The following CELF2 variants were observed in gnomAD, a reference collection of about 807,000 sequenced individuals.
The protein encoded by CELF2 is CUG triplet repeat RNA-binding protein 2.
Under a neutral mutation model 62.6 loss-of-function variants are expected in CELF2, and 8 were observed. The observed-to-expected ratio is 0.13, with a 90% CI of 0.07 to 0.23. The LOEUF is 0.23. CELF2 is among the 10% of genes least tolerant of loss of function. The probability of loss-of-function intolerance (pLI) is 1.00; values close to 1 mark genes in which losing one functional copy is unlikely to be tolerated. For synonymous variants in CELF2, 258 were observed against 250.0 expected, an observed-to-expected ratio of 1.03 and a Z score of -0.30; for missense variants, 333 against 671.0, an observed-to-expected ratio of 0.50 and a Z score of 5.56.
intron 2 of CELF2, among the ~76,000 whole-genome samples, chr10:10,927,759 C>G (rs1327760333): frequency 1.3e-5 from 2 of 152,126 alleles, no homozygotes; most frequent in African/African-American, 4.8e-5. Context: ...TCTACTTTCT[C>G]TCTCTCTTTC....
chr10:11,077,775 C>G (rs530194764), intron 1 of CELF2, among the ~76,000 whole-genome samples: 1 of 152,226 alleles, frequency 6.6e-6, no homozygotes, highest in African/African-American at 2.4e-5. Context: ...CAAAACCATA[C>G]AGTGCACATA....
chr10:10,660,653 T>A, the CELF2 span, among the ~76,000 whole-genome samples: 16 of 152,298 alleles, frequency 1.1e-4, no homozygotes, highest in African/African-American at 3.8e-4. Context: ...TTCTTTATAT[T>A]CCCTAGCCTC....
intron 1 of CELF2, among the ~76,000 whole-genome samples, chr10:11,034,113 C>T (rs1313224467): frequency 6.6e-6 from 1 of 152,204 alleles, no homozygotes; most frequent in Non-Finnish European, 1.5e-5. Flanking sequence ...TGTTAGATTA[C>T]AAGCTTAAAT....
intron 2 of CELF2, among the ~76,000 whole-genome samples, chr10:11,182,879 G>C (rs2073857595): frequency 6.6e-6 from 1 of 152,152 alleles, no homozygotes; most frequent in Non-Finnish European, 1.5e-5. Flanking sequence ...GTGAACTTGA[G>C]TTTTTTAATG....
At chr10:10,603,521 G>A in the CELF2 span, among the ~76,000 whole-genome samples, 532 of 152,254 alleles carry the variant, frequency 3.5e-3, 2 homozygotes, top group South Asian at 5.6e-3. Flanking sequence ...CTTATTTTAG[G>A]AGAGTGGAGA....
intron 1 of CELF2, among the ~76,000 whole-genome samples, chr10:11,054,489 T>TTGTGTGTGTGTGTGTG (rs35465939): frequency 1.9e-4 from 28 of 149,580 alleles, no homozygotes; most frequent in East Asian, 7.9e-4. Flanking sequence ...GTATGTGTGT[T>TTGTGTGTGTGTGTGTG]TGTGTGTGTG....
At chr10:10,686,597 G>A in the CELF2 span, among the ~76,000 whole-genome samples, 1 of 152,084 alleles carries the variant, frequency 6.6e-6, no homozygotes, top group African/African-American at 2.4e-5. Flanking sequence ...GATAGTGAGT[G>A]AGTTCTCATG....
At chr10:10,578,590 A>G in the CELF2 span, among the ~76,000 whole-genome samples, 1 of 152,146 alleles carries the variant, frequency 6.6e-6, no homozygotes, top group Non-Finnish European at 1.5e-5. Context: ...AATAATCTAA[A>G]GGGAGAACAT....
At chr10:10,862,624 A>G (rs2060111451) in intron 1 of CELF2, among the ~76,000 whole-genome samples, 1 of 152,226 alleles carries the variant, frequency 6.6e-6, no homozygotes, top group Non-Finnish European at 1.5e-5. Flanking sequence ...GTGTGTCATT[A>G]CGGTCAGCTC....
the CELF2 span, chr10:10,792,525 C>G: frequency 2.5e-6 from 1 of 397,846 alleles, no homozygotes; most frequent in African/African-American, 2.1e-5. Flanking sequence ...GATGAGGAGT[C>G]CTGTTTGTAA....
the CELF2 span, among the ~76,000 whole-genome samples, chr10:10,483,980 CCTCCCTCCCTCCCTCCCCCGCTTT>C: frequency 1.7e-5 from 2 of 114,524 alleles, no homozygotes; most frequent in African/African-American, 3.6e-5. Flanking sequence ...TCTCTCTGTC[CCTCCCTCCCTCCCTCCCCCGCTTT>C]CTCCCTCCCT....
chr10:10,692,818 G>T, the CELF2 span, among the ~76,000 whole-genome samples: 24 of 23,382 alleles, frequency 1.0e-3, no homozygotes, highest in South Asian at 2.2e-3. Context: ...TTTGTCTGTT[G>T]TTGGTGTATA....
chr10:10,534,128 T>C, the CELF2 span, among the ~76,000 whole-genome samples: 11 of 129,688 alleles, frequency 8.5e-5, no homozygotes, highest in African/African-American at 3.2e-4. Flanking sequence ...TGGAAAAAAA[T>C]AAAAGGCAAC....
chr10:10,672,298 C>CAATG, the CELF2 span, among the ~76,000 whole-genome samples: 1 of 152,174 alleles, frequency 6.6e-6, no homozygotes. Context: ...ATTTGTGTCA[C>CAATG]ACTCAAAAAG....
At chr10:10,525,298 G>A in the CELF2 span, among the ~76,000 whole-genome samples, 1 of 152,116 alleles carries the variant, frequency 6.6e-6, no homozygotes, top group Non-Finnish European at 1.5e-5. Flanking sequence ...CCCACAGAAA[G>A]CCCAGAACAG....
At chr10:10,796,174 G>A (rs1477814534), upstream of CELF2, among the ~76,000 whole-genome samples, 1 of 152,198 alleles carries the variant, frequency 6.6e-6, no homozygotes, top group African/African-American at 2.4e-5. Flanking sequence ...AGTGCCCTGA[G>A]AGCTCAGACC....
chr10:11,299,469 C>A (rs750513605), intron 9 of CELF2, among the ~76,000 whole-genome samples: 72 of 152,204 alleles, frequency 4.7e-4, no homozygotes, highest in Non-Finnish European at 9.0e-4. Flanking sequence ...CAACCCCCCC[C>A]AGGAAGGCCA....
chr10:10,927,321 C>T (rs2065579061), intron 2 of CELF2: 1 of 128,926 alleles, frequency 7.8e-6, no homozygotes, highest in South Asian at 2.4e-4. Flanking sequence ...ATATACCCAA[C>T]ACTCAAAGGA....
the CELF2 span, among the ~76,000 whole-genome samples, chr10:10,744,897 C>T: frequency 6.6e-6 from 1 of 152,092 alleles, no homozygotes; most frequent in African/African-American, 2.4e-5. Context: ...TAATTACCAA[C>T]TCTCCATTTT....
Sources: gnomAD v4.1 joint callset for allele counts (sites outside exome capture counted in the v4.1 genomes callset) on GRCh38, gnomAD v4.1.1 for gene constraint, MANE v1.5 for transcripts, NCBI Gene and HGNC (gene_info 2026-07-23, HGNC 2026-07-21) for gene names.